Variants in FAF1 observed in about 807,000 individuals in gnomAD.
The protein encoded by FAF1 is FAS-associated factor 1.
Under a neutral mutation model 92.5 loss-of-function variants are expected in FAF1, and 25 were observed. The observed-to-expected ratio is 0.27, with a 90% CI of 0.20 to 0.38. The LOEUF (loss-of-function observed/expected upper bound fraction) is 0.38, where lower values mean the gene tolerates loss of function less well. Among genes scored for constraint, FAF1 ranks in the 10% least tolerant of loss-of-function variants. FAF1 has a pLI of 1.00. For synonymous variants in FAF1, 234 were observed against 273.2 expected (o/e 0.86, Z 1.42); for missense variants, 636 against 793.3 (o/e 0.80, Z 2.38).
chr1:50,890,460 T>C (rs138714168), intron 1 of FAF1, among the ~76,000 whole-genome samples: 10,049 of 152,316 alleles, frequency 0.066, 409 homozygotes, highest in East Asian at 0.094. Context: ...CTAGCATTGA[T>C]GGTCTTTACA....
At chr1:50,467,134 A>G (rs1646507380) in intron 18 of FAF1, among the ~76,000 whole-genome samples, 1 of 152,168 alleles carries the variant, frequency 6.6e-6, no homozygotes. Flanking sequence ...ATTCCTTGGC[A>G]CTAAGCAGAG....
intron 7 of FAF1, among the ~76,000 whole-genome samples, chr1:50,679,167 G>A (rs1656310968): frequency 6.6e-6 from 1 of 152,140 alleles, no homozygotes; most frequent in African/African-American, 2.4e-5. Context: ...ACATTGTTTT[G>A]TAACTGCTAT....
chr1:50,540,048 T>C (rs1306427593), intron 13 of FAF1, among the ~76,000 whole-genome samples: 1 of 152,016 alleles, frequency 6.6e-6, no homozygotes, highest in Non-Finnish European at 1.5e-5. Context: ...CTCGGCTCAC[T>C]GAAACCCCCG....
In FAF1 at chr1:50,441,563, AG is replaced by A. The variant is rs143311114; in HGVS notation, c.1870-41del. 352 of 1,244,782 alleles carry A rather than the reference AG, an allele frequency of 2.8e-4. No individual in the cohort carries two copies. The African/African-American group carries it at 4.6e-3, about 16-fold the overall frequency. The allele number at this position is 1,244,782 out of a possible 1,614,324, so 77.1% of individuals were successfully genotyped here. ...AACACATATTCAAAAGACTGAAACA[AG>A]CACTATATTCTCTACATGGCCTTCA... On this transcript the variant is annotated intron_variant, in intron 18 of 18. Coordinates refer to ENST00000396153, the MANE Select transcript of FAF1 (RefSeq NM_007051.3).
chr1:50,449,489 C>CTT (rs373425527), intron 18 of FAF1, among the ~76,000 whole-genome samples: 48 of 124,578 alleles, frequency 3.9e-4, no homozygotes, highest in East Asian at 3.7e-3. Flanking sequence ...CTTTTTCTTT[C>CTT]TTTTTTTTTT....
At chr1:50,839,863 T>C (rs1644241815) in intron 2 of FAF1, among the ~76,000 whole-genome samples, 1 of 152,068 alleles carries the variant, frequency 6.6e-6, no homozygotes, top group African/African-American at 2.4e-5. Flanking sequence ...TTTAATCAAC[T>C]TCCAAACATA....
At chr1:50,914,864 CT>C (rs1378625419) in intron 1 of FAF1, among the ~76,000 whole-genome samples, 1 of 152,122 alleles carries the variant, frequency 6.6e-6, no homozygotes, top group Non-Finnish European at 1.5e-5. Flanking sequence ...ATGCATCCAC[CT>C]TTTTCATATC....
intron 18 of FAF1, among the ~76,000 whole-genome samples, chr1:50,458,691 T>A (rs1057076297): frequency 6.6e-6 from 1 of 152,246 alleles, no homozygotes; most frequent in African/African-American, 2.4e-5. Flanking sequence ...TCCCTCAATA[T>A]GTCTGTGGTT....
intron 15 of FAF1, among the ~76,000 whole-genome samples, chr1:50,504,000 TC>T (rs1647024259): frequency 1.3e-5 from 2 of 152,230 alleles, no homozygotes; most frequent in African/African-American, 4.8e-5. Context: ...TCAAAACTTG[TC>T]AAATTATATA....
intron 1 of FAF1, among the ~76,000 whole-genome samples, chr1:50,953,042 G>A (rs1645232787): frequency 6.6e-6 from 1 of 152,250 alleles, no homozygotes; most frequent in Admixed American, 6.5e-5. Context: ...ATTTTGTTCT[G>A]TACTAAGAAA....
chr1:50,731,657 C>T (rs1355027789), intron 6 of FAF1, among the ~76,000 whole-genome samples: 5 of 152,112 alleles, frequency 3.3e-5, no homozygotes, highest in South Asian at 2.1e-4. Flanking sequence ...CATGAGCCAC[C>T]GCGCCCGGCC....
chr1:50,727,414 G>T lies in FAF1; in HGVS notation c.551+11449C>A, dbSNP rs183488860. The stretch of plus-strand genomic sequence containing the variant: ...TCAATATATATCTGGTCAATCAAAA[G>T]AAATCAAAGCTAAGGCAAATGTCTT... On this transcript the variant is annotated intron_variant, in intron 6 of 18. Coordinates refer to ENST00000396153, the MANE Select transcript of FAF1 (RefSeq NM_007051.3). Among the ~76,000 whole-genome samples the T allele has an allele frequency of 2.3e-3, 351 of 152,230 alleles. 1 individual carries two copies. The highest frequency in any genetic ancestry group is 8.2e-3 in the African/African-American group (342 of 41,528).
chr1:50,660,641 G>A (rs888608890), intron 7 of FAF1, among the ~76,000 whole-genome samples: 1 of 151,896 alleles, frequency 6.6e-6, no homozygotes, highest in African/African-American at 2.4e-5. Flanking sequence ...TTACAGGAGT[G>A]TGCCACCACA....
chr1:50,526,477 T>G lies in FAF1; in HGVS notation c.1494+8892A>C, dbSNP rs1054969230. The stretch of plus-strand genomic sequence containing the variant: ...TATTATTTTTAAATAATTTTAAAAT[T>G]TTTTTCATAGAGATGGGAGTTTTTC... On this transcript the variant is annotated intron_variant, in intron 15 of 18. Coordinates refer to ENST00000396153, the MANE Select transcript of FAF1 (RefSeq NM_007051.3). Among the ~76,000 whole-genome samples the G allele has an allele frequency of 7.9e-5, 12 of 151,854 alleles. No homozygotes were observed. In the South Asian group the frequency reaches 2.3e-3, roughly 29 times the overall value.
At chr1:50,787,422 T>C (rs149031709) in intron 4 of FAF1, among the ~76,000 whole-genome samples, 101 of 152,336 alleles carry the variant, frequency 6.6e-4, no homozygotes, top group Non-Finnish European at 1.3e-3. Context: ...GAAGGGAGTC[T>C]GTCCCTTTTG....
intron 6 of FAF1, among the ~76,000 whole-genome samples, chr1:50,730,412 G>A (rs1207871774): frequency 1.3e-5 from 2 of 150,586 alleles, no homozygotes; most frequent in Admixed American, 1.3e-4. Flanking sequence ...ATTTTTTCCT[G>A]GTTTGACTTT....
chr1:50,470,863 C>T (rs982818156), intron 18 of FAF1: 2 of 152,252 alleles, frequency 1.3e-5, no homozygotes, highest in African/African-American at 4.8e-5. Flanking sequence ...CTTCCACTCA[C>T]TGAACATCTC....
chr1:50,706,163 T>C, intron 6 of FAF1: 1 of 328,514 alleles, frequency 3.0e-6, no homozygotes, highest in Non-Finnish European at 5.6e-6. Flanking sequence ...CATAGGCTAA[T>C]TCATAATATC....
intron 1 of FAF1, among the ~76,000 whole-genome samples, chr1:50,874,019 G>A (rs1021188994): frequency 3.9e-5 from 6 of 152,154 alleles, no homozygotes; most frequent in African/African-American, 1.4e-4. Flanking sequence ...TAGAAATGAT[G>A]CAGGGTATGT....
Sources: gnomAD v4.1 joint callset for allele counts (sites outside exome capture counted in the v4.1 genomes callset) on GRCh38, gnomAD v4.1.1 for gene constraint, MANE v1.5 for transcripts, NCBI Gene and HGNC (gene_info 2026-07-23, HGNC 2026-07-21) for gene names.